CPEB4: variants seen among roughly 807,000 people sequenced by gnomAD.
CPEB4 encodes the protein cytoplasmic polyadenylation element-binding protein 4.
Under a neutral mutation model 72.5 loss-of-function variants are expected in CPEB4, and 12 were observed. The observed-to-expected ratio is 0.17, with a 90% CI of 0.11 to 0.27. The LOEUF (loss-of-function observed/expected upper bound fraction) is 0.27, where lower values mean the gene tolerates loss of function less well. Among genes scored for constraint, CPEB4 ranks in the 10% least tolerant of loss-of-function variants. The probability of loss-of-function intolerance (pLI) is 1.00; values close to 1 mark genes in which losing one functional copy is unlikely to be tolerated. For missense variants in CPEB4, 614 were observed against 908.5 expected (o/e 0.68, Z 4.17); for synonymous variants, 302 against 326.3 (o/e 0.93, Z 0.80).
intron 2 of CPEB4, among the ~76,000 whole-genome samples, chr5:173,921,889 G>T (rs1176048572): frequency 2.0e-5 from 3 of 152,184 alleles, no homozygotes; most frequent in Non-Finnish European, 4.4e-5. Flanking sequence ...GTGAAAGGGT[G>T]CTTACCTCTG....
At chr5:173,938,386 C>G (rs1314265532) in intron 3 of CPEB4, among the ~76,000 whole-genome samples, 1 of 152,082 alleles carries the variant, frequency 6.6e-6, no homozygotes, top group Non-Finnish European at 1.5e-5. Flanking sequence ...CCACCACACC[C>G]AGCTAATTTT....
At chr5:173,902,146 A>T (rs1382273709) in intron 1 of CPEB4, among the ~76,000 whole-genome samples, 1 of 152,214 alleles carries the variant, frequency 6.6e-6, no homozygotes, top group East Asian at 1.9e-4. Context: ...TTGATTAATT[A>T]TGGGCTCTAC....
rs988089877 is a variant in CPEB4, at chr5:173,961,526, A to G, written c.*5389A>G. Reference sequence around the variant, plus strand: ...CTTCCTGGGCTATATTTCTTCATTCACTGATTGCCTAAACCTACCCAACGA... The same window carrying G: ...CTTCCTGGGCTATATTTCTTCATTCGCTGATTGCCTAAACCTACCCAACGA... On this transcript the variant is annotated 3_prime_UTR_variant, in exon 10 of 10. Transcript: ENST00000265085. 6.6e-6 allele frequency: 1 copy of G among 152,104 alleles called. No individual in the cohort carries two copies. 9.4% of individuals were successfully genotyped at this position (152,104 alleles called of 1,614,324 possible). A position where few individuals can be genotyped will look rare whatever the true frequency, so the allele number is the denominator to read the frequency against.
chr5:173,892,565 G>A (rs61460050), intron 1 of CPEB4, among the ~76,000 whole-genome samples: 1 of 152,108 alleles, frequency 6.6e-6, no homozygotes, highest in African/African-American at 2.4e-5. Context: ...ATTTGGCTCA[G>A]AACTAAATAC....
At chr5:173,897,443 T>C (rs1756055996) in intron 1 of CPEB4, among the ~76,000 whole-genome samples, 2 of 152,240 alleles carry the variant, frequency 1.3e-5, no homozygotes, top group Admixed American at 1.3e-4. Flanking sequence ...TATTTTAATG[T>C]ATTTAGCACA....
At chr5:173,927,015 A>G (rs887110800) in intron 2 of CPEB4, among the ~76,000 whole-genome samples, 1 of 152,042 alleles carries the variant, frequency 6.6e-6, no homozygotes. Context: ...CCCGCGCATG[A>G]TGGCGGGTGC....
Position 173,950,800 on chromosome 5 carries a change from A to G in CPEB4, c.1665+722A>G, listed in dbSNP as rs1334714527. 3.9e-5 allele frequency among the ~76,000 whole-genome samples: 6 copies of G among 152,170 alleles called. No homozygotes were observed. The East Asian group carries it at 1.2e-3, about 29-fold the overall frequency. ...TTAACTTTATATATGGTACTCTCCAAAGTAGACTGAATCGTGTATATACAT... is the reference window on the plus strand; with the variant it reads ...TTAACTTTATATATGGTACTCTCCAGAGTAGACTGAATCGTGTATATACAT... On this transcript the variant is annotated intron_variant, in intron 7 of 9. Coordinates refer to ENST00000265085, the MANE Select transcript of CPEB4 (RefSeq NM_030627.4). The surrounding 1 kb of genome is among the most constrained non-coding windows in gnomAD (Gnocchi z 5.0).
chr5:173,890,128 A>G lies in CPEB4; in HGVS notation c.395A>G (p.Lys132Arg). 2 of 1,614,202 alleles carry G rather than the reference A, an allele frequency of 1.2e-6. No homozygotes were observed. Among genetic ancestry groups the G allele is most frequent in the Non-Finnish European group, 1.7e-6 (2 of 1,180,028 alleles). Reference sequence around the variant, plus strand: ...TCGGAAAATGGCAATGGGAAGGAGAAAATAAGGATCGAATCTCCAGTGTTG... The same window carrying G: ...TCGGAAAATGGCAATGGGAAGGAGAGAATAAGGATCGAATCTCCAGTGTTG... ...NSSENGNGKEKIRIESPVLTG... is the reference protein window; with the variant it reads ...NSSENGNGKERIRIESPVLTG... The change falls in exon 1 of 10, where the codon AAA becomes AGA. Residue 132 changes from lysine (K) to arginine (R), a missense_variant. Coordinates refer to ENST00000265085, the MANE Select transcript of CPEB4 (RefSeq NM_030627.4).
At chr5:173,937,823 G>A (rs919358811) in intron 3 of CPEB4, among the ~76,000 whole-genome samples, 9 of 152,130 alleles carry the variant, frequency 5.9e-5, no homozygotes, top group Non-Finnish European at 1.3e-4. Context: ...TCTAAGGTAG[G>A]CCTTACAAAT....
intron 2 of CPEB4, among the ~76,000 whole-genome samples, chr5:173,927,197 A>C (rs1478550188): frequency 6.6e-6 from 1 of 152,150 alleles, no homozygotes; most frequent in Admixed American, 6.5e-5. Flanking sequence ...CAACCAGACA[A>C]AACAGCAGGC....
intron 6 of CPEB4, among the ~76,000 whole-genome samples, 170 bp from the exon 7 acceptor site, chr5:173,949,770 TCTAAAAGATGCTTCAAGATA>T (rs2113293466): frequency 6.6e-6 from 1 of 152,380 alleles, no homozygotes; most frequent in African/African-American, 2.4e-5. Flanking sequence ...TTAATTTTAC[TCTAAAAGATGCTTCAAGATA>T]CTACCAAAAT....
At position 173,959,964 on chromosome 5, in the gene CPEB4, T is replaced by C. The variant is rs1282783120; in HGVS notation, c.*3827T>C. The C allele has an allele frequency of 6.5e-6, 1 of 152,688 alleles. No homozygotes were observed. Among genetic ancestry groups the C allele is most frequent in the Non-Finnish European group, 1.5e-5 (1 of 68,014 alleles). The allele number at this position is 152,688 out of a possible 1,614,324, so 9.5% of individuals were successfully genotyped here. ...TTTTTTTTCCAGTGTATTGCTCATATTATCAGAAGGAAAAGTTATTTAAGT... is the reference window on the plus strand; with the variant it reads ...TTTTTTTTCCAGTGTATTGCTCATACTATCAGAAGGAAAAGTTATTTAAGT... On this transcript the variant is annotated 3_prime_UTR_variant, in exon 10 of 10. Transcript: ENST00000265085.
At chr5:173,947,582 A>T (rs1207802448) in intron 5 of CPEB4, among the ~76,000 whole-genome samples, 1 of 152,172 alleles carries the variant, frequency 6.6e-6, no homozygotes, top group Non-Finnish European at 1.5e-5. Context: ...GCAAAAAGAG[A>T]ATATAAAAAT....
intron 1 of CPEB4, among the ~76,000 whole-genome samples, chr5:173,902,721 G>A (rs947736579): frequency 6.6e-6 from 1 of 152,126 alleles, no homozygotes; most frequent in Non-Finnish European, 1.5e-5. Context: ...TAATCATGGG[G>A]CGTTGACAGA....
Position 173,955,682 on chromosome 5 carries a change from T to C in CPEB4, c.1963-228T>C, listed in dbSNP as rs1379923840. ...TGATGTCTGCTCAAATCCTTTTTCC[T>C]TTAAAGGATGTTTATTTAATAAGAA... On this transcript the variant is annotated intron_variant, in intron 9 of 9. Coordinates refer to ENST00000265085, the MANE Select transcript of CPEB4 (RefSeq NM_030627.4). The surrounding 1 kb of genome is among the most constrained non-coding windows in gnomAD (Gnocchi z 4.7). Among the ~76,000 whole-genome samples, 3 of 152,202 alleles carry C rather than the reference T, an allele frequency of 2.0e-5. No individual in the cohort carries two copies. Among genetic ancestry groups the C allele is most frequent in the Admixed American group, 1.3e-4 (2 of 15,280 alleles).
rs374394781 is a variant in CPEB4 at position 173,906,531 on chromosome 5, A to G, written c.1126-3992A>G. On this transcript the variant is annotated intron_variant, in intron 1 of 9. Transcript: ENST00000265085. ...TGGGTTGTGGGGAAGAATACATATT[A>G]GACTAGGTTTGGCAAGAATGAAGTA... Among the ~76,000 whole-genome samples, 13 of 152,366 alleles carry G rather than the reference A, an allele frequency of 8.5e-5. No homozygotes were observed. In the East Asian group the frequency reaches 1.2e-3, roughly 14 times the overall value.
intron 3 of CPEB4, among the ~76,000 whole-genome samples, chr5:173,937,343 C>G (rs1021191421): frequency 1.3e-5 from 2 of 151,972 alleles, no homozygotes; most frequent in African/African-American, 4.8e-5. Context: ...TCACCCGGCC[C>G]AACATCTCTT....
rs1755775850 is a variant in CPEB4 at position 173,890,616 on chromosome 5, C to A, written c.883C>A (p.Pro295Thr). 1 of 1,613,916 alleles carries A rather than the reference C, an allele frequency of 6.2e-7. No individual in the cohort carries two copies. The highest frequency in any genetic ancestry group is 1.3e-5 in the African/African-American group (1 of 74,926). Residue 295 changes from proline to threonine, a missense_variant, in exon 1 of 10, where the codon CCC becomes ACC. By Grantham distance (38) the Pro-to-Thr change is conservative. Transcript: ENST00000265085. Reference protein sequence around the residue: ...WSSYQSPSPTPSSSWSPGGGG... With the variant: ...WSSYQSPSPTTSSSWSPGGGG... Reference sequence around the variant, plus strand: ...CAGCTACCAGAGTCCGTCACCAACACCCTCCTCTTCCTGGAGCCCGGGCGG... The same window carrying A: ...CAGCTACCAGAGTCCGTCACCAACAACCTCCTCTTCCTGGAGCCCGGGCGG...
At chr5:173,924,972 G>A (rs1159616598) in intron 2 of CPEB4, among the ~76,000 whole-genome samples, 1 of 152,208 alleles carries the variant, frequency 6.6e-6, no homozygotes, top group Non-Finnish European at 1.5e-5. Context: ...AGGGTTATCT[G>A]AATCAAAGCA....
Sources: allele counts gnomAD v4.1 joint callset (sites outside exome capture counted in the v4.1 genomes callset), GRCh38; gene constraint gnomAD v4.1.1; non-coding constraint Gnocchi (gnomAD v3.1); transcripts MANE v1.5; gene names NCBI Gene and HGNC (gene_info 2026-07-23, HGNC 2026-07-21).